The following PTPRN2 variants were observed in gnomAD, a reference collection of about 807,000 sequenced individuals.
The protein encoded by PTPRN2 is receptor-type tyrosine-protein phosphatase N2.
In PTPRN2, 74 loss-of-function variants were observed where a neutral mutation model predicts 118.8. The observed-to-expected ratio is 0.62, with a 90% CI of 0.52 to 0.76. The LOEUF (loss-of-function observed/expected upper bound fraction) is 0.76. Among genes scored for constraint, PTPRN2 ranks in the 30% least tolerant of loss-of-function variants. PTPRN2 has a pLI of 0.00. For missense variants in PTPRN2, 1,481 were observed against 1,394.4 expected (o/e 1.06, Z -0.99); for synonymous variants, 641 against 608.0 (o/e 1.05, Z -0.80).
At chr7:158,506,106 C>G (rs1586823884) in intron 1 of PTPRN2, among the ~76,000 whole-genome samples, 1 of 101,534 alleles carries the variant, frequency 9.8e-6, no homozygotes, top group East Asian at 5.3e-4. Flanking sequence ...AAGGCCGGTG[C>G]TGAGACACTG....
intron 12 of PTPRN2, among the ~76,000 whole-genome samples, chr7:157,795,220 G>C (rs1804795426): frequency 6.6e-6 from 1 of 150,672 alleles, no homozygotes; most frequent in Non-Finnish European, 1.5e-5. Flanking sequence ...TGGCACCTGG[G>C]AGGGGGACTC....
chr7:157,866,148 G>C (rs1584908391), intron 12 of PTPRN2: 1 of 152,178 alleles, frequency 6.6e-6, no homozygotes, highest in South Asian at 2.1e-4. Flanking sequence ...CACCACTTGA[G>C]TGAGGCCCGG....
chr7:158,402,645 C>T (rs567607798), intron 2 of PTPRN2, among the ~76,000 whole-genome samples: 6 of 152,212 alleles, frequency 3.9e-5, no homozygotes, highest in African/African-American at 1.4e-4. Flanking sequence ...GTCCATGCGG[C>T]CTTGGGCAAG....
intron 11 of PTPRN2, among the ~76,000 whole-genome samples, chr7:158,078,443 C>T (rs901959919): frequency 6.6e-6 from 1 of 152,330 alleles, no homozygotes; most frequent in South Asian, 2.1e-4. Context: ...CATAGGTGTC[C>T]GCCCATCACC....
chr7:157,919,788 G>A (rs909706802), intron 11 of PTPRN2, among the ~76,000 whole-genome samples: 1 of 152,158 alleles, frequency 6.6e-6, no homozygotes, highest in African/African-American at 2.4e-5. Flanking sequence ...ACGTACTAAC[G>A]TTTTGGTCAG....
At chr7:158,537,786 C>G (rs60999822) in intron 1 of PTPRN2, among the ~76,000 whole-genome samples, 2,446 of 152,288 alleles carry the variant, frequency 0.016, 60 homozygotes, top group African/African-American at 0.051. Flanking sequence ...GCTAAATGAC[C>G]CTTACATTAC....
In PTPRN2 at chr7:157,776,038, G is replaced by C. The variant is rs374629955; in HGVS notation, c.1789-93101C>G. Among the ~76,000 whole-genome samples, 5 of 150,964 alleles carry C rather than the reference G, an allele frequency of 3.3e-5. 1 individual carries two copies. The East Asian group carries it at 7.9e-4, about 24-fold the overall frequency. On this transcript the variant is annotated intron_variant, in intron 12 of 22. Transcript: ENST00000389418. The stretch of plus-strand genomic sequence containing the variant: ...GGTGGGCAAGGAGTGAGGCGGAGGG[G>C]GCGTCACCTCCTCCCTCTCCTCCTC...
intron 12 of PTPRN2, among the ~76,000 whole-genome samples, chr7:157,882,985 T>C (rs57329340): frequency 0.024 from 3,007 of 125,616 alleles, 86 homozygotes; most frequent in African/African-American, 0.082. Context: ...GAACAGAACA[T>C]GCCACCCCAA....
rs1383568502 is a variant in PTPRN2, at chr7:158,133,884, T to C, written c.1349A>G (p.Gln450Arg). 1 of 1,613,806 alleles carries C rather than the reference T, an allele frequency of 6.2e-7. No homozygotes were observed. The highest frequency in any genetic ancestry group is 1.3e-5 in the African/African-American group (1 of 74,946). The change falls in exon 9 of 23, where the codon CAG becomes CGG. Residue 450 changes from glutamine to arginine, a missense_variant. Gln to Arg is a conservative substitution (Grantham distance 43). Transcript: ENST00000389418. The stretch of plus-strand genomic sequence containing the variant: ...CCCCAGCAGATCTTTGGAATACGTC[T>C]GGCTCTTGACGTTCTCCACTCCGGC... ...ETAGVENVKS[Q>R]TYSKDLLGQQ...
intron 11 of PTPRN2, among the ~76,000 whole-genome samples, chr7:158,008,719 C>T (rs189829513): frequency 1.2e-3 from 187 of 152,330 alleles, no homozygotes; most frequent in African/African-American, 4.1e-3. Context: ...CAGCGCTTGG[C>T]GCATGCGGGC....
chr7:157,921,363 T>G (rs780757399), intron 11 of PTPRN2, among the ~76,000 whole-genome samples: 1 of 152,198 alleles, frequency 6.6e-6, no homozygotes, highest in Non-Finnish European at 1.5e-5. Flanking sequence ...GAGGCTTTCA[T>G]GACAGGGAAA....
chr7:157,725,271 TGGCCTCC>T (rs1563041924), intron 12 of PTPRN2, among the ~76,000 whole-genome samples: 7 of 128,802 alleles, frequency 5.4e-5, no homozygotes, highest in African/African-American at 2.1e-4. Flanking sequence ...AGCCAGACCC[TGGCCTCC>T]CAGGAGAACT....
At chr7:158,291,115 C>T (rs910404919) in intron 3 of PTPRN2, among the ~76,000 whole-genome samples, 2 of 152,196 alleles carry the variant, frequency 1.3e-5, no homozygotes, top group Non-Finnish European at 2.9e-5. Context: ...GTTTCCAAGG[C>T]TTGCCTTCAT....
Position 157,845,444 on chromosome 7 carries a change from C to G in PTPRN2, c.1788+53229G>C, listed in dbSNP as rs575545432. 6.6e-6 allele frequency among the ~76,000 whole-genome samples: 1 copy of G among 151,564 alleles called. No homozygotes were observed. Among genetic ancestry groups the G allele is most frequent in the Non-Finnish European group, 1.5e-5 (1 of 67,970 alleles). On this transcript the variant is annotated intron_variant, in intron 12 of 22. Coordinates refer to ENST00000389418, the MANE Select transcript of PTPRN2 (RefSeq NM_002847.5). This position sits in a 1 kb window ranked among gnomAD's most constrained non-coding sequence, Gnocchi z 4.5. ...TAACTCACCATGTTCCCGGCCATAC[C>G]CCAGTGAACCACACAGCCTAACTCA...
rs1806958441 is a variant in PTPRN2 at position 158,022,465 on chromosome 7, T to G, written c.1723+58833A>C. Among the ~76,000 whole-genome samples the G allele has an allele frequency of 6.7e-6, 1 of 150,246 alleles. No homozygotes were observed. ...AGCCAAGGCCCCGGCACCTGGGCAC[T>G]CTGGGGCAGCCCGTAATGTGTTCAT... On this transcript the variant is annotated intron_variant, in intron 11 of 22. Transcript: ENST00000389418. This position sits in a 1 kb window ranked among gnomAD's most constrained non-coding sequence, Gnocchi z 4.6.
intron 12 of PTPRN2, among the ~76,000 whole-genome samples, chr7:157,819,491 G>A (rs1806659786): frequency 6.6e-6 from 1 of 151,840 alleles, no homozygotes; most frequent in South Asian, 2.1e-4. Flanking sequence ...CACACACCGA[G>A]CGGCCGCAGC....
chr7:158,044,255 G>C (rs925805167), intron 11 of PTPRN2, among the ~76,000 whole-genome samples: 1 of 152,204 alleles, frequency 6.6e-6, no homozygotes, highest in Non-Finnish European at 1.5e-5. Context: ...TGAAGCTGGT[G>C]CGTCTGGGGA....
chr7:158,550,726 T>G (rs1563424782), intron 1 of PTPRN2, among the ~76,000 whole-genome samples: 2 of 152,232 alleles, frequency 1.3e-5, no homozygotes, highest in African/African-American at 4.8e-5. Flanking sequence ...TCTAATCTAT[T>G]TCTCTCATAG....
chr7:158,071,331 A>G lies in PTPRN2; in HGVS notation c.1723+9967T>C, dbSNP rs998719131. Among the ~76,000 whole-genome samples, 213 of 51,486 alleles carry G rather than the reference A, an allele frequency of 4.1e-3. 2 individuals are homozygous for G. The highest frequency in any genetic ancestry group is 5.6e-3 in the Admixed American group (26 of 4,682). The allele number at this position is 51,486 out of a possible 152,430, so 33.8% of individuals were successfully genotyped here. A position where few individuals can be genotyped will look rare whatever the true frequency, so the allele number is the denominator to read the frequency against. On this transcript the variant is annotated intron_variant, in intron 11 of 22. Transcript: ENST00000389418. ...GGTGCCCATGGTAGTGGAGGTGCCC[A>G]TGGTGGTGGAGGTGCTCGTGGTGGT...
Sources: allele counts gnomAD v4.1 joint callset (sites outside exome capture counted in the v4.1 genomes callset), GRCh38; gene constraint gnomAD v4.1.1; non-coding constraint Gnocchi (gnomAD v3.1); transcripts MANE v1.5; gene names NCBI Gene and HGNC (gene_info 2026-07-23, HGNC 2026-07-21).